Variants in ABCC8 observed in about 807,000 individuals in gnomAD.
The protein encoded by ABCC8 is ATP-binding cassette sub-family C member 8.
Under a neutral mutation model 188.0 loss-of-function variants are expected in ABCC8, and 137 were observed. The observed-to-expected ratio is 0.73, with a 90% CI of 0.63 to 0.84. The LOEUF is 0.84. Among genes scored for constraint, ABCC8 ranks in the 40% least tolerant of loss-of-function variants. ABCC8 has a pLI of 0.00. For missense variants in ABCC8, 1,750 were observed against 2,072.7 expected (o/e 0.84, Z 3.02); for synonymous variants, 797 against 846.5 (o/e 0.94, Z 1.01).
chr11:17,465,532 C>T (rs3819518), intron 3 of ABCC8: 48,173 of 152,018 alleles, frequency 0.32, 7,708 homozygotes, highest in Middle Eastern at 0.45. Context: ...GTGCTGAGTG[C>T]TCAGCCTGTT....
intron 8 of ABCC8, among the ~76,000 whole-genome samples, chr11:17,443,949 C>T (rs1474198309): frequency 6.6e-6 from 1 of 152,116 alleles, no homozygotes; most frequent in Non-Finnish European, 1.5e-5. Context: ...TCTCAGGTTG[C>T]CTTCAAAGGC....
At chr11:17,395,106 TG>T in intron 36 of ABCC8, 65 bp downstream of exon 36, 1 of 1,543,006 alleles carries the variant, frequency 6.5e-7, no homozygotes, top group South Asian at 1.2e-5. Flanking sequence ...CACGGGCTTC[TG>T]TCTGCCATCC....
chr11:17,439,352 T>C (rs2237981), intron 10 of ABCC8, among the ~76,000 whole-genome samples: 69,419 of 151,836 alleles, frequency 0.46, 17,202 homozygotes, highest in African/African-American at 0.66. Flanking sequence ...AGAAGTCTGA[T>C]GGTGCCGCAT....
chr11:17,476,273 C>G (rs1848768102), intron 1 of ABCC8, among the ~76,000 whole-genome samples: 1 of 152,224 alleles, frequency 6.6e-6, no homozygotes, highest in African/African-American at 2.4e-5. Context: ...GCTCCCTAAG[C>G]TGCGCCACGG....
intron 7 of ABCC8, among the ~76,000 whole-genome samples, chr11:17,452,820 T>C (rs112488973): frequency 3.9e-5 from 6 of 152,136 alleles, no homozygotes; most frequent in African/African-American, 9.7e-5. Context: ...AAGAGTGCTG[T>C]GATCAATTAG....
chr11:17,405,742 G>C (rs570068739), intron 26 of ABCC8, 179 bp from the exon 27 acceptor site: 1 of 796,616 alleles, frequency 1.3e-6, no homozygotes, highest in South Asian at 5.7e-5. Context: ...CTGCCCAAAG[G>C]GGCGCTGGCC....
intron 10 of ABCC8, among the ~76,000 whole-genome samples, chr11:17,436,907 G>T (rs1017946156): frequency 6.6e-6 from 1 of 151,992 alleles, no homozygotes; most frequent in East Asian, 1.9e-4. Context: ...TGGCCAACAT[G>T]GTGAAACCCC....
At chr11:17,476,457 C>A (rs987410060) in intron 1 of ABCC8, among the ~76,000 whole-genome samples, 172 bp downstream of exon 1, 1 of 152,198 alleles carries the variant, frequency 6.6e-6, no homozygotes, top group Non-Finnish European at 1.5e-5. Flanking sequence ...AAGGGATGAG[C>A]TGGTGTGCGA....
intron 28 of ABCC8, 123 bp from the exon 29 acceptor site, chr11:17,402,876 T>C: frequency 8.2e-7 from 1 of 1,224,638 alleles, no homozygotes. Flanking sequence ...AGGCCTCAGC[T>C]TCTTACCCCG....
chr11:17,395,200 C>A lies in ABCC8; in HGVS notation c.4383G>T (p.Leu1461=). 3.1e-6 allele frequency: 5 copies of A among 1,589,864 alleles called. No homozygotes were observed. The highest frequency in any genetic ancestry group is 4.3e-6 in the Non-Finnish European group (5 of 1,166,408). Residue 1461 remains leucine (L), a synonymous_variant, in exon 36 of 39, where the codon CTG becomes CTT. Transcript: ENST00000389817. Reference sequence around the variant, plus strand: ...GGCCTCCTGGCAGTGCCTTCACCACCAGCTTCAGCTGGGCGATTTCCAGGG... The same window carrying A: ...GGCCTCCTGGCAGTGCCTTCACCACAAGCTTCAGCTGGGCGATTTCCAGGG... ...WEALEIAQLK[L]VVKALPGGLD...
intron 7 of ABCC8, among the ~76,000 whole-genome samples, chr11:17,450,048 C>A (rs1056095299): frequency 6.6e-6 from 1 of 152,190 alleles, no homozygotes; most frequent in African/African-American, 2.4e-5. Flanking sequence ...GACCAGCATA[C>A]ACAGAAATGC....
chr11:17,426,751 A>C (rs1375943140), intron 16 of ABCC8, among the ~76,000 whole-genome samples: 1 of 152,234 alleles, frequency 6.6e-6, no homozygotes, highest in Non-Finnish European at 1.5e-5. Context: ...TAGCTGTGTG[A>C]ATTAGGACAA....
chr11:17,397,348 G>T (rs1260244605), intron 31 of ABCC8, 35 bp from the exon 32 acceptor site: 5 of 1,605,126 alleles, frequency 3.1e-6, no homozygotes, highest in South Asian at 2.2e-5. Flanking sequence ...ACACTCCATG[G>T]TCGCTTAGTT....
intron 6 of ABCC8, among the ~76,000 whole-genome samples, chr11:17,456,376 G>T (rs1956996649): frequency 6.6e-6 from 1 of 152,176 alleles, no homozygotes; most frequent in South Asian, 2.1e-4. Flanking sequence ...TAGCTGCAGA[G>T]GTAGGACTAA....
chr11:17,407,181 G>A (rs962630280), intron 24 of ABCC8, 52 bp from the exon 25 acceptor site: 1 of 1,598,928 alleles, frequency 6.3e-7, no homozygotes, highest in South Asian at 1.1e-5. Context: ...TCCCTCTGAG[G>A]GTGAATCAGG....
intron 10 of ABCC8, among the ~76,000 whole-genome samples, chr11:17,441,002 G>A (rs554256511): frequency 3.2e-4 from 49 of 152,230 alleles, no homozygotes; most frequent in African/African-American, 1.2e-3. Context: ...TTGTTGGATG[G>A]GTCTATCTGG....
At chr11:17,411,778 C>A (rs1954815984) in intron 21 of ABCC8, among the ~76,000 whole-genome samples, 1 of 152,118 alleles carries the variant, frequency 6.6e-6, no homozygotes, top group Non-Finnish European at 1.5e-5. Flanking sequence ...TCTCCCTAAT[C>A]AGATTCTAAA....
chr11:17,392,889 A>C lies in ABCC8; in HGVS notation c.*102T>G. The C allele has an allele frequency of 7.0e-7, 1 of 1,429,214 alleles. No homozygotes were observed. Among genetic ancestry groups the C allele is most frequent in the Non-Finnish European group, 9.8e-7 (1 of 1,023,294 alleles). 88.5% of individuals were successfully genotyped at this position (1,429,214 alleles called of 1,614,324 possible). On this transcript the variant is annotated 3_prime_UTR_variant, in exon 39 of 39. Transcript: ENST00000389817. ...CACCAGACTTAGGGCCTCTAGTAGG[A>C]AATAATCAAATCTATTTATTTACAA...
intron 29 of ABCC8, among the ~76,000 whole-genome samples, chr11:17,400,156 G>A (rs1387586622): frequency 2.6e-5 from 4 of 152,172 alleles, no homozygotes; most frequent in Admixed American, 1.3e-4. Context: ...TTGTCTCTGC[G>A]TGGAGAGAGG....
Sources: gnomAD v4.1 joint callset for allele counts (sites outside exome capture counted in the v4.1 genomes callset) on GRCh38, gnomAD v4.1.1 for gene constraint, MANE v1.5 for transcripts, NCBI Gene and HGNC (gene_info 2026-07-23, HGNC 2026-07-21) for gene names.